The following TBC1D2 variants were observed in gnomAD, a reference collection of about 807,000 sequenced individuals.
TBC1D2 encodes the protein TBC1 domain family member 2.
Under a neutral mutation model 91.1 loss-of-function variants are expected in TBC1D2, and 58 were observed. That is an observed-to-expected ratio of 0.64 (90% CI 0.52 to 0.79). TBC1D2 has a LOEUF of 0.79. Ranked by LOEUF, TBC1D2 falls within the 30% of genes least tolerant of loss-of-function variation. The pLI, the probability that TBC1D2 is intolerant of heterozygous loss-of-function variation, is 0.00. For synonymous variants in TBC1D2, 482 were observed against 511.5 expected (o/e 0.94, Z 0.78); for missense variants, 1,080 against 1,208.3 (o/e 0.89, Z 1.57).
At chr9:98,245,340 G>T (rs1829742341) in intron 2 of TBC1D2, among the ~76,000 whole-genome samples, 1 of 152,174 alleles carries the variant, frequency 6.6e-6, no homozygotes, top group South Asian at 2.1e-4. Context: ...AGGCTGAGCT[G>T]GGTGGGTCAC....
chr9:98,247,238 A>T (rs914928727), intron 2 of TBC1D2, among the ~76,000 whole-genome samples: 4 of 151,836 alleles, frequency 2.6e-5, no homozygotes, highest in Non-Finnish European at 5.9e-5. Context: ...GAGGCAGGAG[A>T]ATCGCTCGAA....
chr9:98,221,724 G>A (rs1829106963), intron 5 of TBC1D2, among the ~76,000 whole-genome samples: 1 of 152,040 alleles, frequency 6.6e-6, no homozygotes, highest in Non-Finnish European at 1.5e-5. Flanking sequence ...TTGGGCCACA[G>A]TGCTTTGAAA....
rs1053262647 is a variant in TBC1D2, at chr9:98,199,511, C to A, written c.2657G>T (p.Arg886Leu). The change falls in exon 13 of 13, where the codon CGG becomes CTG. Residue 886 changes from arginine (R) to leucine (L), a missense_variant. Arg to Leu is a moderately radical substitution (Grantham distance 102). Transcript: ENST00000465784. Reference protein sequence around the residue: ...KQLRQLRMVHRERLEAELREL... With the variant: ...KQLRQLRMVHLERLEAELREL... ...CCGCAGCTCAGCCTCCAGCCGCTCC[C>A]GGTGGACCATGCGCAGCTGCCGCAG... 1 of 1,614,186 alleles carries A rather than the reference C, an allele frequency of 6.2e-7. No homozygotes were observed.
Position 98,199,167 on chromosome 9 carries a change from T to C in TBC1D2, c.*214A>G, listed in dbSNP as rs1434049717. ...AGAGGTGACGAAAGGGTGGCATCCC[T>C]GGGTAAGTAAGTGCCTATGAAGAAG... On this transcript the variant is annotated 3_prime_UTR_variant, in exon 13 of 13. Transcript: ENST00000465784. 1.6e-6 allele frequency: 1 copy of C among 615,864 alleles called. No homozygotes were observed. The highest frequency in any genetic ancestry group is 2.9e-6 in the Non-Finnish European group (1 of 349,960). The allele number at this position is 615,864 out of a possible 1,614,324, so 38.1% of individuals were successfully genotyped here.
chr9:98,208,833 C>A lies in TBC1D2; in HGVS notation c.1985G>T (p.Arg662Leu). Residue 662 changes from arginine (R) to leucine (L), a missense_variant, in exon 9 of 13, where the codon CGC becomes CTC. Transcript: ENST00000465784. ...AATCTGGCGGGCAGCAGGGTGCTCGCGGGCCTGGCCCCGGCTCAGCAGTTC... is the reference window on the plus strand; with the variant it reads ...AATCTGGCGGGCAGCAGGGTGCTCGAGGGCCTGGCCCCGGCTCAGCAGTTC... ...YQELLSRGQA[R>L]EHPAARQIEL... is the part of the protein sequence containing the mutation. 2.5e-6 allele frequency: 4 copies of A among 1,607,636 alleles called. No individual in the cohort carries two copies. Among genetic ancestry groups the A allele is most frequent in the South Asian group, 1.1e-5 (1 of 90,816 alleles).
intron 3 of TBC1D2, chr9:98,235,505 GA>G: frequency 4.5e-6 from 2 of 446,034 alleles, no homozygotes. Context: ...TTTTTGCAAA[GA>G]AAAGGATAAT....
intron 3 of TBC1D2, among the ~76,000 whole-genome samples, chr9:98,238,288 T>C (rs1829558878): frequency 7.3e-6 from 1 of 137,104 alleles, no homozygotes; most frequent in Non-Finnish European, 1.5e-5. Context: ...TTTGGTGTTT[T>C]CAGAGCACAC....
chr9:98,255,641 G>C lies in TBC1D2; in HGVS notation c.-100C>G. ...GCAGCTTCCCAAAGGGAGACACCTG[G>C]GCGGGGGCGGGGCCGACGGCGAACC... On this transcript the variant is annotated 5_prime_UTR_variant, in exon 1 of 13. Coordinates refer to ENST00000465784, the MANE Select transcript of TBC1D2 (RefSeq NM_001267571.2). The C allele has an allele frequency of 7.4e-7, 1 of 1,357,956 alleles. No homozygotes were observed. Among genetic ancestry groups the C allele is most frequent in the Non-Finnish European group, 9.5e-7 (1 of 1,056,812 alleles). The allele number at this position is 1,357,956 out of a possible 1,614,324, so 84.1% of individuals were successfully genotyped here. A position where few individuals can be genotyped will look rare whatever the true frequency, so the allele number is the denominator to read the frequency against.
intron 4 of TBC1D2, among the ~76,000 whole-genome samples, chr9:98,231,800 G>GT (rs777561896): frequency 3.9e-5 from 6 of 152,254 alleles, no homozygotes; most frequent in African/African-American, 1.4e-4. Flanking sequence ...TCCAGTTGCT[G>GT]TAAGAATTAA....
In TBC1D2 at chr9:98,210,736, C is replaced by T. The variant is rs551931617; in HGVS notation, c.1593G>A (p.Leu531=). ...GTGCCTCCTGGACAAGCTGCCTCAG[C>T]AGCTCTGAGCACTCGCTGGCTTCGT... The part of the protein sequence containing the change: ...LGDEASECSE[L]LRQLVQEALQ... The change falls in exon 8 of 13, where the codon CTG becomes CTA. Residue 531 remains leucine, a synonymous_variant. Coordinates refer to ENST00000465784, the MANE Select transcript of TBC1D2 (RefSeq NM_001267571.2). 8 of 1,589,220 alleles carry T rather than the reference C, an allele frequency of 5.0e-6. No individual in the cohort carries two copies. The South Asian group carries it at 8.0e-5, about 16-fold the overall frequency.
At chr9:98,208,060 G>T (rs995202878) in intron 9 of TBC1D2, among the ~76,000 whole-genome samples, 11 of 152,194 alleles carry the variant, frequency 7.2e-5, no homozygotes, top group African/African-American at 2.7e-4. Context: ...TGCCATATGT[G>T]AGTGGGGCCT....
intron 4 of TBC1D2, among the ~76,000 whole-genome samples, chr9:98,230,568 G>T (rs904024961): frequency 2.6e-5 from 4 of 152,174 alleles, no homozygotes; most frequent in Non-Finnish European, 2.9e-5. Context: ...GCCAAGGGCT[G>T]GCCAAACAGT....
chr9:98,239,877 T>A (rs1829594379), intron 3 of TBC1D2, among the ~76,000 whole-genome samples: 1 of 152,218 alleles, frequency 6.6e-6, no homozygotes, highest in South Asian at 2.1e-4. Flanking sequence ...TCTTTTTAGA[T>A]TTTCTTCTTG....
At chr9:98,250,227 A>G (rs1829843835) in intron 2 of TBC1D2, among the ~76,000 whole-genome samples, 1 of 152,168 alleles carries the variant, frequency 6.6e-6, no homozygotes, top group Non-Finnish European at 1.5e-5. Flanking sequence ...CCGAAGCATC[A>G]AGCCCAAGGT....
intron 4 of TBC1D2, among the ~76,000 whole-genome samples, chr9:98,230,399 A>C (rs1829337957): frequency 6.6e-6 from 1 of 152,202 alleles, no homozygotes; most frequent in Non-Finnish European, 1.5e-5. Flanking sequence ...TCTCCTAACC[A>C]AATTACTCAT....
chr9:98,226,818 A>G (rs1245242257), intron 5 of TBC1D2, among the ~76,000 whole-genome samples: 2 of 152,186 alleles, frequency 1.3e-5, no homozygotes, highest in African/African-American at 4.8e-5. Flanking sequence ...TTCCCTCTGA[A>G]TATATGGGAG....
Position 98,210,849 on chromosome 9 carries a change from A to G in TBC1D2, c.1486-6T>C. 1.9e-6 allele frequency: 3 copies of G among 1,550,548 alleles called. No homozygotes were observed. The highest frequency in any genetic ancestry group is 1.7e-6 in the Non-Finnish European group (2 of 1,146,278). On this transcript the variant is annotated splice_polypyrimidine_tract_variant and splice_region_variant and intron_variant, in intron 7 of 12. Transcript: ENST00000465784. ...CTGGCTTGGAGGTAGGCGCACTGCAAACAGGGAAAGGCTGGTCAGGCTACC... is the reference window on the plus strand; with the variant it reads ...CTGGCTTGGAGGTAGGCGCACTGCAGACAGGGAAAGGCTGGTCAGGCTACC...
At position 98,224,163 on chromosome 9, in the gene TBC1D2, C is replaced by CTA. The variant is rs1422324572; in HGVS notation, c.979-2936_979-2935insTA. Among the ~76,000 whole-genome samples, 4 of 145,874 alleles carry CTA rather than the reference C, an allele frequency of 2.7e-5. No individual in the cohort carries two copies. The Admixed American group carries it at 2.8e-4, about 10-fold the overall frequency. The stretch of plus-strand genomic sequence containing the variant: ...AGTGAGCTGAGATCGCACCACTGCA[C>CTA]TCTAGCCTGGGCGACAGAGCGAGAC... On this transcript the variant is annotated intron_variant, in intron 5 of 12. Coordinates refer to ENST00000465784, the MANE Select transcript of TBC1D2 (RefSeq NM_001267571.2).
rs765623371 is a variant in TBC1D2 at position 98,233,469 on chromosome 9, C to T, written c.728G>A (p.Ser243Asn). 1.2e-5 allele frequency: 19 copies of T among 1,614,146 alleles called. No homozygotes were observed. The highest frequency in any genetic ancestry group is 1.5e-5 in the Non-Finnish European group (18 of 1,179,972). ...HEPPGEDSPQ[S>N]GEPQREEQPL... Reference sequence around the variant, plus strand: ...CTGCTCCTCCCTCTGAGGCTCCCCACTCTGTGGAGAATCTTCCCCTGGAGG... The same window carrying T: ...CTGCTCCTCCCTCTGAGGCTCCCCATTCTGTGGAGAATCTTCCCCTGGAGG... Residue 243 changes from serine (S) to asparagine (N), a missense_variant, in exon 4 of 13, where the codon AGT becomes AAT. Transcript: ENST00000465784.
Sources: gnomAD v4.1 joint callset for allele counts (sites outside exome capture counted in the v4.1 genomes callset) on GRCh38, gnomAD v4.1.1 for gene constraint, MANE v1.5 for transcripts, NCBI Gene and HGNC (gene_info 2026-07-23, HGNC 2026-07-21) for gene names.